Variants in MYO5A observed in about 807,000 individuals in gnomAD.
MYO5A encodes the protein myosin VA, also known as unconventional myosin-Va.
MYO5A carries 98 observed loss-of-function variants against 249.7 expected under a neutral mutation model. The observed-to-expected ratio is 0.39, with a 90% CI of 0.33 to 0.46. The LOEUF (loss-of-function observed/expected upper bound fraction) is 0.46. MYO5A is among the 20% of genes least tolerant of loss of function. MYO5A has a pLI of 0.98. For synonymous variants in MYO5A, 778 were observed against 810.6 expected (o/e 0.96, Z 0.68); for missense variants, 1,696 against 2,308.8 (o/e 0.73, Z 5.44).
At chr15:52,410,115 C>G (rs1216996318) in intron 6 of MYO5A, among the ~76,000 whole-genome samples, 1 of 152,156 alleles carries the variant, frequency 6.6e-6, no homozygotes, top group East Asian at 1.9e-4. Flanking sequence ...AAAAGTCAAA[C>G]CTAAAAGTGA....
intron 35 of MYO5A, among the ~76,000 whole-genome samples, chr15:52,329,892 C>G (rs1172782276): frequency 7.8e-6 from 1 of 128,498 alleles, no homozygotes; most frequent in Non-Finnish European, 1.8e-5. Flanking sequence ...GCATGTACCA[C>G]CTCGCCTGGG....
chr15:52,486,987 T>A (rs550853212), intron 1 of MYO5A, among the ~76,000 whole-genome samples: 1 of 152,362 alleles, frequency 6.6e-6, no homozygotes, highest in Admixed American at 6.5e-5. Context: ...GTACAAATGC[T>A]TCTTAAATAT....
At chr15:52,333,764 T>A (rs762056783) in intron 34 of MYO5A, among the ~76,000 whole-genome samples, 3 of 152,016 alleles carry the variant, frequency 2.0e-5, no homozygotes, top group Non-Finnish European at 2.9e-5. Flanking sequence ...GAGGCAAGAG[T>A]TGTGCTATTT....
In MYO5A at chr15:52,347,829, T is replaced by C. The variant is rs2039719887; in HGVS notation, c.3858+989A>G. 2.6e-5 allele frequency among the ~76,000 whole-genome samples: 4 copies of C among 152,344 alleles called. No homozygotes were observed. The South Asian group carries it at 8.3e-4, about 32-fold the overall frequency. On this transcript the variant is annotated intron_variant, in intron 29 of 41. Coordinates refer to ENST00000399233, the MANE Select transcript of MYO5A (RefSeq NM_001382347.1). ...TTTTAGCTATGTTTTGTAAATATTT[T>C]AGTACCTGTTTTACAAAGAGGTTCT...
intron 12 of MYO5A, among the ~76,000 whole-genome samples, chr15:52,391,670 A>T (rs940713712): frequency 2.0e-5 from 3 of 152,218 alleles, no homozygotes; most frequent in Non-Finnish European, 4.4e-5. Context: ...TAATAACAAA[A>T]GTGGCTAAAA....
rs181280368 is a variant in MYO5A, at chr15:52,496,331, A to G, written c.27+32449T>C. 1.3e-3 allele frequency among the ~76,000 whole-genome samples: 194 copies of G among 152,272 alleles called. 3 individuals carry two copies. The highest frequency in any genetic ancestry group is 0.011 in the Admixed American group (169 of 15,294). ...CTTTCTAGGCCACATGACTGGTAAAAGATGCCCACTGCATAGCTCCTGAGC... is the reference window on the plus strand; with the variant it reads ...CTTTCTAGGCCACATGACTGGTAAAGGATGCCCACTGCATAGCTCCTGAGC... On this transcript the variant is annotated intron_variant, in intron 1 of 41. Transcript: ENST00000399233.
intron 1 of MYO5A, among the ~76,000 whole-genome samples, chr15:52,483,840 T>C (rs7169582): frequency 0.034 from 5,121 of 152,286 alleles, 262 homozygotes; most frequent in African/African-American, 0.11. Context: ...CACAACGATT[T>C]AGAAAAACAG....
chr15:52,503,527 A>G (rs1248607865), intron 1 of MYO5A, among the ~76,000 whole-genome samples: 1 of 152,144 alleles, frequency 6.6e-6, no homozygotes, highest in African/African-American at 2.4e-5. Context: ...CCAGCTACTC[A>G]GGAGGCTGAA....
intron 4 of MYO5A, among the ~76,000 whole-genome samples, chr15:52,418,962 A>G (rs1414217454): frequency 1.3e-5 from 2 of 152,230 alleles, no homozygotes; most frequent in Non-Finnish European, 2.9e-5. Flanking sequence ...GTCATACCAA[A>G]CACTATTCAT....
chr15:52,459,061 G>A (rs575963249), intron 1 of MYO5A, among the ~76,000 whole-genome samples: 96 of 149,562 alleles, frequency 6.4e-4, no homozygotes, highest in African/African-American at 2.2e-3. Context: ...GTGTAATGGT[G>A]CAATCTTGGC....
intron 1 of MYO5A, among the ~76,000 whole-genome samples, chr15:52,467,415 C>T (rs1236528866): frequency 6.6e-6 from 1 of 151,946 alleles, no homozygotes; most frequent in African/African-American, 2.4e-5. Context: ...ATAGACTAGA[C>T]TAAGCAGAAA....
At chr15:52,390,108 T>C (rs1275761877) in intron 12 of MYO5A, among the ~76,000 whole-genome samples, 2 of 152,062 alleles carry the variant, frequency 1.3e-5, no homozygotes, top group Non-Finnish European at 2.9e-5. Context: ...CCTATGAAGA[T>C]AAAGAATAGA....
rs543335506 is a variant in MYO5A at position 52,341,760 on chromosome 15, G to A, written c.4040+1357C>T. The stretch of plus-strand genomic sequence containing the variant: ...TGATGAGAACAAAGCAGAATAAGCA[G>A]AAGCCCCTTGAACAAACATTTGAGT... On this transcript the variant is annotated intron_variant, in intron 31 of 41. Transcript: ENST00000399233. Among the ~76,000 whole-genome samples, 10 of 152,094 alleles carry A rather than the reference G, an allele frequency of 6.6e-5. No individual in the cohort carries two copies. The East Asian group carries it at 1.4e-3, about 21-fold the overall frequency.
chr15:52,501,290 C>A (rs1482641183), intron 1 of MYO5A, among the ~76,000 whole-genome samples: 1 of 151,410 alleles, frequency 6.6e-6, no homozygotes, highest in Admixed American at 6.6e-5. Context: ...TTTTTTTTTA[C>A]TCAAAAATGT....
chr15:52,343,412 G>A (rs925689402), intron 30 of MYO5A, among the ~76,000 whole-genome samples: 7 of 152,154 alleles, frequency 4.6e-5, no homozygotes, highest in Non-Finnish European at 8.8e-5. Context: ...AGAAATTAAA[G>A]CAAAATAATC....
At chr15:52,526,214 G>A (rs1012022569) in intron 1 of MYO5A, among the ~76,000 whole-genome samples, 6 of 152,194 alleles carry the variant, frequency 3.9e-5, no homozygotes, top group Admixed American at 3.9e-4. Context: ...CGGTCTTGCT[G>A]TTTTGCCCAG....
chr15:52,392,155 T>A, intron 11 of MYO5A, 85 bp from the exon 12 acceptor site: 1 of 1,369,078 alleles, frequency 7.3e-7, no homozygotes. Context: ...TAATTTGAGA[T>A]AATCTGTGGC....
chr15:52,379,528 T>C, intron 18 of MYO5A, 97 bp downstream of exon 18: 1 of 1,006,048 alleles, frequency 9.9e-7, no homozygotes, highest in Non-Finnish European at 1.6e-6. Flanking sequence ...CGAAATGATC[T>C]GGACTAGTAA....
chr15:52,360,105 T>A (rs770284402), intron 24 of MYO5A, 24 bp from the exon 25 acceptor site: 20 of 1,483,578 alleles, frequency 1.3e-5, no homozygotes, highest in Non-Finnish European at 1.8e-5. Flanking sequence ...AACCCAGGTA[T>A]AATTAATGCA....
Sources: gnomAD v4.1 joint callset for allele counts (sites outside exome capture counted in the v4.1 genomes callset) on GRCh38, gnomAD v4.1.1 for gene constraint, MANE v1.5 for transcripts, NCBI Gene and HGNC (gene_info 2026-07-23, HGNC 2026-07-21) for gene names.